Variants in DICER1 observed in about 807,000 individuals in gnomAD.
The protein encoded by DICER1 is dicer 1, ribonuclease III.
Under a neutral mutation model 194.1 loss-of-function variants are expected in DICER1, and 43 were observed. That is an observed-to-expected ratio of 0.22 (90% CI 0.17 to 0.29). The LOEUF is 0.29. Ranked by LOEUF, DICER1 falls within the 10% of genes least tolerant of loss-of-function variation. The pLI is 1.00. For missense variants in DICER1, 1,608 were observed against 2,317.0 expected, an observed-to-expected ratio of 0.69 and a Z score of 6.28; for synonymous variants, 832 against 820.5, an observed-to-expected ratio of 1.01 and a Z score of -0.24.
chr14:95,136,839 G>C (rs1368951377), intron 1 of DICER1: 1 of 152,164 alleles, frequency 6.6e-6, no homozygotes, highest in Non-Finnish European at 1.5e-5. Flanking sequence ...AAAGAACCTG[G>C]GTCATTGATG....
At chr14:95,115,923 C>T in intron 10 of DICER1, 102 bp from the exon 11 acceptor site, 1 of 1,175,372 alleles carries the variant, frequency 8.5e-7, no homozygotes, top group Admixed American at 1.9e-5. Flanking sequence ...AAATATCTCT[C>T]TCTCTCCTAA....
intron 1 of DICER1, among the ~76,000 whole-genome samples, chr14:95,143,717 A>AT (rs1894960153): frequency 1.3e-5 from 2 of 152,192 alleles, no homozygotes; most frequent in South Asian, 4.1e-4. Flanking sequence ...CAGCAGTCTG[A>AT]TTTAATGTTC....
rs1359474412 is a variant in DICER1, at chr14:95,124,585, T to C, written c.987A>G (p.Leu329=). The part of the protein sequence containing the change: ...DKVAGMMVRE[L]QKYIKHEQEE... ...CTTGCTCATGTTTGATGTATTTCTGTAGTTCTCTTACCATCATTCCAGCTA... is the reference window on the plus strand; with the variant it reads ...CTTGCTCATGTTTGATGTATTTCTGCAGTTCTCTTACCATCATTCCAGCTA... Residue 329 remains leucine, a synonymous_variant, in exon 8 of 27, where the codon CTA becomes CTG. Transcript: ENST00000343455. This position sits in a 1 kb window ranked among gnomAD's most constrained non-coding sequence, Gnocchi z 4.5. 3 of 1,613,808 alleles carry C rather than the reference T, an allele frequency of 1.9e-6. No homozygotes were observed. Among genetic ancestry groups the C allele is most frequent in the East Asian group, 2.2e-5 (1 of 44,878 alleles).
At chr14:95,123,708 G>A (rs1392324844) in intron 8 of DICER1, among the ~76,000 whole-genome samples, 1 of 152,006 alleles carries the variant, frequency 6.6e-6, no homozygotes, top group Non-Finnish European at 1.5e-5. Flanking sequence ...GCCCAACCTA[G>A]CCTTGAAAAG....
chr14:95,107,331 A>G (rs149483989), intron 17 of DICER1, among the ~76,000 whole-genome samples: 7 of 151,844 alleles, frequency 4.6e-5, no homozygotes, highest in Admixed American at 3.9e-4. Context: ...GCTCACTGCA[A>G]TCTCCGCCTC....
At chr14:95,142,501 C>T (rs1566826387) in intron 1 of DICER1, among the ~76,000 whole-genome samples, 1 of 152,114 alleles carries the variant, frequency 6.6e-6, no homozygotes, top group Non-Finnish European at 1.5e-5. Flanking sequence ...CCTAGAAATG[C>T]CATAATCAAA....
In DICER1 at chr14:95,113,907, T is replaced by C. The variant is rs547875812; in HGVS notation, c.1908-683A>G. The stretch of plus-strand genomic sequence containing the variant: ...CTACAGAGCAGGGAGACTGGCTACA[T>C]ACAGGAAGACTGAACACTAATTATT... On this transcript the variant is annotated intron_variant, in intron 11 of 26. Coordinates refer to ENST00000343455, the MANE Select transcript of DICER1 (RefSeq NM_177438.3). Among the ~76,000 whole-genome samples the C allele has an allele frequency of 2.0e-5, 3 of 152,272 alleles. No homozygotes were observed. The South Asian group carries it at 6.2e-4, about 32-fold the overall frequency.
intron 21 of DICER1, among the ~76,000 whole-genome samples, chr14:95,101,702 T>C (rs1291913416): frequency 1.3e-5 from 2 of 152,170 alleles, no homozygotes; most frequent in African/African-American, 2.4e-5. Flanking sequence ...CTGGGAGGCC[T>C]TGGACACACT....
intron 1 of DICER1, among the ~76,000 whole-genome samples, chr14:95,138,178 C>CCTGG (rs956425299): frequency 8.6e-5 from 13 of 151,942 alleles, no homozygotes; most frequent in African/African-American, 2.9e-4. Context: ...AGGTTCTGTT[C>CCTGG]CTGGCATTTC....
chr14:95,098,443 A>G (rs1427581026), intron 22 of DICER1, among the ~76,000 whole-genome samples: 2 of 152,254 alleles, frequency 1.3e-5, no homozygotes, highest in Admixed American at 6.5e-5. Context: ...CTATATTTCA[A>G]TAAAAGTAAC....
chr14:95,120,772 T>C (rs1892873211), intron 8 of DICER1, among the ~76,000 whole-genome samples: 1 of 152,118 alleles, frequency 6.6e-6, no homozygotes, highest in Non-Finnish European at 1.5e-5. Context: ...AATTAATAAA[T>C]ATAAGTAGAC....
intron 26 of DICER1, 47 bp from the exon 27 acceptor site, chr14:95,090,710 T>C (rs755207152): frequency 4.2e-5 from 67 of 1,605,874 alleles, no homozygotes; most frequent in South Asian, 2.3e-4. Flanking sequence ...AAGTATTTAT[T>C]ATCATTGTCA....
intron 1 of DICER1, among the ~76,000 whole-genome samples, chr14:95,137,256 TAAA>T (rs1566821235): frequency 3.4e-5 from 2 of 58,354 alleles, no homozygotes; most frequent in African/African-American, 1.4e-4. Flanking sequence ...AAAGGGGAAA[TAAA>T]AAGGAAAATG....
At chr14:95,092,133 C>T (rs1014087831) in intron 24 of DICER1, among the ~76,000 whole-genome samples, 3 of 152,154 alleles carry the variant, frequency 2.0e-5, no homozygotes, top group African/African-American at 7.2e-5. Flanking sequence ...ATCAATCAGC[C>T]ACGTGTTGAC....
In DICER1 at chr14:95,124,155, C is replaced by T; in HGVS notation, c.1376+41G>A. The T allele has an allele frequency of 6.8e-7, 1 of 1,465,114 alleles. No homozygotes were observed. Among genetic ancestry groups the T allele is most frequent in the Non-Finnish European group, 9.5e-7 (1 of 1,048,958 alleles). The allele number at this position is 1,465,114 out of a possible 1,614,324, so 90.8% of individuals were successfully genotyped here. ...CGCATCACATCACAACACAGGACGC[C>T]TCCCTGTTCTCATGTGAAAGGAGTC... On this transcript the variant is annotated intron_variant, in intron 8 of 26. Transcript: ENST00000343455. This position sits in a 1 kb window ranked among gnomAD's most constrained non-coding sequence, Gnocchi z 4.5.
At chr14:95,107,213 T>TA (rs941542672) in intron 17 of DICER1, among the ~76,000 whole-genome samples, 17 of 151,886 alleles carry the variant, frequency 1.1e-4, no homozygotes, top group African/African-American at 4.8e-5. Flanking sequence ...ATTACAATGC[T>TA]AAAATCACAG....
At chr14:95,122,377 G>A (rs774218108) in intron 8 of DICER1, among the ~76,000 whole-genome samples, 40 of 152,164 alleles carry the variant, frequency 2.6e-4, no homozygotes, top group Non-Finnish European at 4.7e-4. Context: ...TGGAGACGGG[G>A]AGTATGTCCA....
At chr14:95,094,882 G>A (rs980613343) in intron 23 of DICER1, among the ~76,000 whole-genome samples, 8 of 152,256 alleles carry the variant, frequency 5.3e-5, no homozygotes, top group Middle Eastern at 3.4e-3. Flanking sequence ...GGGACCGATG[G>A]TGACTTGTCC....
rs1891402881 is a variant in DICER1 at position 95,106,152 on chromosome 14, T to G, written c.2876A>C (p.Lys959Thr). ...AGTTTCATACTCAGGGGAAGGAAATTTACTGAGTGGGGTAAGATCAGTGTA... is the reference window on the plus strand; with the variant it reads ...AGTTTCATACTCAGGGGAAGGAAATGTACTGAGTGGGGTAAGATCAGTGTA... ...DVYTDLTPLSKFPSPEYETFA... is the reference protein window; with the variant it reads ...DVYTDLTPLSTFPSPEYETFA... Residue 959 changes from lysine to threonine, a missense_variant, in exon 18 of 27, where the codon AAA (lysine) becomes ACA (threonine). Coordinates refer to ENST00000343455, the MANE Select transcript of DICER1 (RefSeq NM_177438.3). 1 of 1,613,960 alleles carries G rather than the reference T, an allele frequency of 6.2e-7. No individual in the cohort carries two copies. The highest frequency in any genetic ancestry group is 8.5e-7 in the Non-Finnish European group (1 of 1,179,822).
Sources: gnomAD v4.1 joint callset for allele counts (sites outside exome capture counted in the v4.1 genomes callset) on GRCh38, gnomAD v4.1.1 for gene constraint, Gnocchi (gnomAD v3.1) non-coding constraint, MANE v1.5 for transcripts, NCBI Gene and HGNC (gene_info 2026-07-23, HGNC 2026-07-21) for gene names.